The following NFILZ variants were observed in gnomAD, a reference collection of about 807,000 sequenced individuals.
NFILZ encodes the protein NFIL3 like basic leucine zipper.
chr19:8,653,826 G>T (rs1367340763), intron 3 of NFILZ, among the ~76,000 whole-genome samples: 1 of 152,204 alleles, frequency 6.6e-6, no homozygotes, highest in African/African-American at 2.4e-5. Flanking sequence ...GGGTGGGAAA[G>T]GTTGGGAGGC....
At chr19:8,644,378 G>A (rs1490698689) in intron 3 of NFILZ, among the ~76,000 whole-genome samples, 4 of 152,078 alleles carry the variant, frequency 2.6e-5, no homozygotes, top group Non-Finnish European at 5.9e-5. Flanking sequence ...TGGGATTACA[G>A]GCATGAGCCA....
chr19:8,650,237 A>G (rs1400270076), intron 3 of NFILZ, among the ~76,000 whole-genome samples: 2 of 152,172 alleles, frequency 1.3e-5, no homozygotes, highest in Non-Finnish European at 2.9e-5. Context: ...AAGCTGCAAA[A>G]ATAGCACAGA....
intron 3 of NFILZ, among the ~76,000 whole-genome samples, chr19:8,653,030 TTCTTTCTTTCTCTCTCTCTCTC>T (rs2042974838): frequency 3.4e-5 from 2 of 59,574 alleles, no homozygotes; most frequent in African/African-American, 6.4e-5. Context: ...CTTTCTTTCT[TTCTTTCTTTCTCTCTCTCTCTC>T]TCTCTCTCTC....
intron 3 of NFILZ, among the ~76,000 whole-genome samples, chr19:8,641,356 C>T (rs2042918397): frequency 6.6e-6 from 1 of 152,104 alleles, no homozygotes; most frequent in African/African-American, 2.4e-5. Flanking sequence ...CTGGCCTCTC[C>T]AGTGTTTCTT....
intron 3 of NFILZ, among the ~76,000 whole-genome samples, chr19:8,656,408 T>TCTGAAGCCCACCTCTTCC (rs2042999531): frequency 1.7e-4 from 9 of 54,040 alleles, no homozygotes; most frequent in East Asian, 6.2e-4. Flanking sequence ...CCACCTTCTC[T>TCTGAAGCCCACCTCTTCC]CTGAAACCCA....
At chr19:8,669,130 A>T (rs1482751440) in intron 3 of NFILZ, among the ~76,000 whole-genome samples, 3 of 152,096 alleles carry the variant, frequency 2.0e-5, no homozygotes, top group Non-Finnish European at 4.4e-5. Context: ...TTTTTAGTAG[A>T]GACAGGGTTT....
At position 8,677,161 on chromosome 19, in the gene NFILZ, G is replaced by A. The variant is rs1432875490; in HGVS notation, c.396G>A (p.Leu132=). 1.3e-5 allele frequency: 2 copies of A among 152,632 alleles called. No homozygotes were observed. The highest frequency in any genetic ancestry group is 2.9e-5 in the Non-Finnish European group (2 of 68,338). The allele number at this position is 152,632 out of a possible 1,614,324, so 9.5% of individuals were successfully genotyped here. A position where few individuals can be genotyped will look rare whatever the true frequency, so the allele number is the denominator to read the frequency against. ...CTGGGGCTGAAGCACTCTCATCCTT[G>A]TCTGGCTCTCACAGCTGCCTCTTAA... ...PRPGAEALSS[L]SGSHSCLLRP... Residue 132 remains leucine, a synonymous_variant, in exon 6 of 6, where the codon TTG becomes TTA. Coordinates refer to ENST00000691075, the MANE Select transcript of NFILZ (RefSeq NM_001378600.1).
rs1239923902 is a variant in NFILZ at position 8,678,632 on chromosome 19, C to CCCAT, written c.*1012_*1015dup. ...GCATCCACTCATCCTCATCCATTTACCCATCCATCCATCCATCCTCACCCA... is the reference window on the plus strand; with the variant it reads ...GCATCCACTCATCCTCATCCATTTACCCATCCATCCATCCATCCATCCTCACCCA... On this transcript the variant is annotated 3_prime_UTR_variant, in exon 6 of 6. Coordinates refer to ENST00000691075, the MANE Select transcript of NFILZ (RefSeq NM_001378600.1). Among the ~76,000 whole-genome samples, 1 of 149,914 alleles carries CCCAT rather than the reference C, an allele frequency of 6.7e-6. No individual in the cohort carries two copies. The highest frequency in any genetic ancestry group is 1.5e-5 in the Non-Finnish European group (1 of 67,338).
chr19:8,660,779 A>G (rs1437344243), intron 3 of NFILZ, among the ~76,000 whole-genome samples: 2 of 151,688 alleles, frequency 1.3e-5, no homozygotes, highest in African/African-American at 4.8e-5. Flanking sequence ...CTGGGATTAC[A>G]GGTGCCCACC....
chr19:8,665,352 G>T (rs1442783626), intron 3 of NFILZ, among the ~76,000 whole-genome samples: 2 of 152,116 alleles, frequency 1.3e-5, no homozygotes, highest in Non-Finnish European at 2.9e-5. Context: ...GTAAAAAATG[G>T]TCTACGTGGC....
At chr19:8,655,523 G>A (rs2042988241) in intron 3 of NFILZ, among the ~76,000 whole-genome samples, 3 of 152,186 alleles carry the variant, frequency 2.0e-5, no homozygotes, top group Admixed American at 2.0e-4. Context: ...CTGGGGGCCC[G>A]GGTGTCACCT....
chr19:8,663,412 G>GA (rs1219820809), intron 3 of NFILZ, among the ~76,000 whole-genome samples: 1 of 150,838 alleles, frequency 6.6e-6, no homozygotes, highest in African/African-American at 2.4e-5. Flanking sequence ...GCCATGAACT[G>GA]AGGTGGGGAA....
At position 8,656,334 on chromosome 19, in the gene NFILZ, CT is replaced by C. The variant is rs1466666001; in HGVS notation, c.-163-18215del. 4.7e-4 allele frequency among the ~76,000 whole-genome samples: 32 copies of C among 68,422 alleles called. 1 individual carries two copies. The highest frequency in any genetic ancestry group is 1.5e-3 in the South Asian group (3 of 1,984). 44.9% of individuals were successfully genotyped at this position (68,422 alleles called of 152,430 possible). ...CGCACCTCCTCCCTGAAGCCCCCTT[CT>C]TCCTGAAGCCCACCTCTTCCCTGAA... is the stretch of plus-strand genomic sequence containing the variant. On this transcript the variant is annotated intron_variant, in intron 3 of 5. Coordinates refer to ENST00000691075, the MANE Select transcript of NFILZ (RefSeq NM_001378600.1).
chr19:8,651,495 T>C (rs143810529), intron 3 of NFILZ, among the ~76,000 whole-genome samples: 1 of 151,844 alleles, frequency 6.6e-6, no homozygotes, highest in African/African-American at 2.4e-5. Context: ...GGGTGCCCTA[T>C]TGTGCTACGG....
chr19:8,674,258 T>G (rs955064645), intron 3 of NFILZ, among the ~76,000 whole-genome samples: 1 of 152,218 alleles, frequency 6.6e-6, no homozygotes, highest in African/African-American at 2.4e-5. Flanking sequence ...TGAGTTCAAA[T>G]CTTAGTCCTG....
intron 3 of NFILZ, among the ~76,000 whole-genome samples, chr19:8,663,742 G>GTGTATGTGTGTGTGTA (rs2043046166): frequency 1.2e-5 from 1 of 83,906 alleles, no homozygotes; most frequent in African/African-American, 6.5e-5. Flanking sequence ...GTGTGTGTGT[G>GTGTATGTGTGTGTGTA]TGTGTGTGTG....
At chr19:8,654,077 A>C (rs2042981237) in intron 3 of NFILZ, among the ~76,000 whole-genome samples, 1 of 152,020 alleles carries the variant, frequency 6.6e-6, no homozygotes, top group Non-Finnish European at 1.5e-5. Context: ...TAAAAACACA[A>C]AAAAATTAGC....
Position 8,634,100 on chromosome 19 carries a change from C to T in NFILZ, c.-261+1475C>T, listed in dbSNP as rs568848256. Among the ~76,000 whole-genome samples the T allele has an allele frequency of 7.9e-5, 12 of 151,916 alleles. 1 individual carries two copies. Among genetic ancestry groups the T allele is most frequent in the Admixed American group, 4.6e-4 (7 of 15,236 alleles). On this transcript the variant is annotated intron_variant, in intron 2 of 5. Transcript: ENST00000691075. ...GCAACCTCCACCTGCCAGGTTCAAG[C>T]GATTCTCCTGCCTCAGCCTCCCAAG...
At chr19:8,636,936 G>T (rs536726595) in intron 3 of NFILZ, among the ~76,000 whole-genome samples, 2 of 152,272 alleles carry the variant, frequency 1.3e-5, no homozygotes, top group African/African-American at 4.8e-5. Flanking sequence ...TGGTCCCCTG[G>T]ATACTGGAGG....
Sources: allele counts gnomAD v4.1 joint callset (sites outside exome capture counted in the v4.1 genomes callset), GRCh38; gene constraint gnomAD v4.1.1; transcripts MANE v1.5; gene names NCBI Gene and HGNC (gene_info 2026-07-23, HGNC 2026-07-21).